The following GALNT7 variants were observed in gnomAD, a reference collection of about 807,000 sequenced individuals.
GALNT7 encodes the protein N-acetylgalactosaminyltransferase 7.
Under a neutral mutation model 82.1 loss-of-function variants are expected in GALNT7, and 60 were observed. The observed-to-expected ratio is 0.73, with a 90% CI of 0.59 to 0.91. GALNT7 has a LOEUF of 0.91. Among genes scored for constraint, GALNT7 ranks in the 40% least tolerant of loss-of-function variants. The pLI is 0.00. For missense variants in GALNT7, 660 were observed against 804.2 expected (o/e 0.82, Z 2.17); for synonymous variants, 243 against 275.1 (o/e 0.88, Z 1.15).
At chr4:173,198,058 A>G (rs1579902533) in intron 1 of GALNT7, among the ~76,000 whole-genome samples, 1 of 130,606 alleles carries the variant, frequency 7.7e-6, no homozygotes, top group Non-Finnish European at 1.7e-5. Context: ...TTTTACTTGG[A>G]TTGTTTCTTT....
At chr4:173,267,857 G>A (rs1316036907) in intron 2 of GALNT7, among the ~76,000 whole-genome samples, 1 of 152,142 alleles carries the variant, frequency 6.6e-6, no homozygotes, top group African/African-American at 2.4e-5. Context: ...CCACCGGTTG[G>A]AGGTCACAGT....
At chr4:173,183,223 ATG>A (rs1354808079) in intron 1 of GALNT7, among the ~76,000 whole-genome samples, 1 of 152,128 alleles carries the variant, frequency 6.6e-6, no homozygotes, top group African/African-American at 2.4e-5. Context: ...CTTAAAAAAA[ATG>A]TGTTCTCTGT....
intron 1 of GALNT7, among the ~76,000 whole-genome samples, chr4:173,225,579 G>C (rs1007337747): frequency 3.3e-5 from 5 of 152,182 alleles, no homozygotes; most frequent in African/African-American, 1.2e-4. Context: ...AGTATTTTAT[G>C]TAGTGCCTCA....
chr4:173,269,398 G>T (rs1319163181), intron 2 of GALNT7, among the ~76,000 whole-genome samples: 1 of 152,080 alleles, frequency 6.6e-6, no homozygotes, highest in Admixed American at 6.5e-5. Context: ...GCTAAAATGG[G>T]CTTGGGAAGG....
intron 2 of GALNT7, among the ~76,000 whole-genome samples, chr4:173,250,775 C>T (rs1386346037): frequency 6.6e-6 from 1 of 152,186 alleles, no homozygotes; most frequent in African/African-American, 2.4e-5. Flanking sequence ...ACCTTGCAGA[C>T]CTCTTCTTGC....
At chr4:173,261,073 C>G (rs961389930) in intron 2 of GALNT7, among the ~76,000 whole-genome samples, 1 of 152,162 alleles carries the variant, frequency 6.6e-6, no homozygotes, top group Admixed American at 6.5e-5. Flanking sequence ...GTATAATTGT[C>G]GTCTACATTA....
At chr4:173,279,297 A>G (rs188046834) in intron 2 of GALNT7, among the ~76,000 whole-genome samples, 1 of 152,180 alleles carries the variant, frequency 6.6e-6, no homozygotes, top group East Asian at 1.9e-4. Context: ...AGGGTAAGCT[A>G]CACATTTTTA....
intron 2 of GALNT7, among the ~76,000 whole-genome samples, chr4:173,282,809 A>G (rs942969055): frequency 6.6e-6 from 1 of 152,226 alleles, no homozygotes; most frequent in African/African-American, 2.4e-5. Context: ...GGCTGCTGAC[A>G]TGCCCTGATA....
chr4:173,197,624 C>T (rs2126648013), intron 1 of GALNT7, among the ~76,000 whole-genome samples: 1 of 152,270 alleles, frequency 6.6e-6, no homozygotes, highest in African/African-American at 2.4e-5. Context: ...GTGGGAATTG[C>T]ACAAGGAGCA....
At chr4:173,224,748 C>G (rs1387585684) in intron 1 of GALNT7, among the ~76,000 whole-genome samples, 3 of 151,972 alleles carry the variant, frequency 2.0e-5, no homozygotes, top group Admixed American at 1.3e-4. Context: ...CGCGGTGGCT[C>G]ACGCCTGTAA....
At chr4:173,287,301 G>A in intron 2 of GALNT7, among the ~76,000 whole-genome samples, 1 of 152,160 alleles carries the variant, frequency 6.6e-6, no homozygotes. Flanking sequence ...GTCCTCCAAG[G>A]GCACTGGTAT....
chr4:173,226,392 T>A lies in GALNT7; in HGVS notation c.127-21588T>A, dbSNP rs572727402. ...TTATGCAGTAACTTGCTGTTTTTTT[T>A]AAACATCAGGCGTTTAGCATCTCCA... On this transcript the variant is annotated intron_variant, in intron 1 of 11. Transcript: ENST00000265000. 5.6e-4 allele frequency among the ~76,000 whole-genome samples: 85 copies of A among 152,306 alleles called. 1 individual carries two copies. Among genetic ancestry groups the A allele is most frequent in the African/African-American group, 1.6e-3 (67 of 41,560 alleles).
At chr4:173,259,477 A>G (rs1196632820) in intron 2 of GALNT7, among the ~76,000 whole-genome samples, 1 of 151,484 alleles carries the variant, frequency 6.6e-6, no homozygotes, top group Admixed American at 6.6e-5. Context: ...AAAAGATCCA[A>G]TCCTGCTATT....
chr4:173,243,144 A>C (rs966803929), intron 1 of GALNT7, among the ~76,000 whole-genome samples: 1 of 152,198 alleles, frequency 6.6e-6, no homozygotes, highest in Non-Finnish European at 1.5e-5. Flanking sequence ...AAACAAGCCT[A>C]TGTTACTGTC....
intron 1 of GALNT7, among the ~76,000 whole-genome samples, chr4:173,230,851 G>A (rs1279141536): frequency 6.6e-6 from 1 of 152,170 alleles, no homozygotes; most frequent in East Asian, 1.9e-4. Context: ...TTCTGTGATA[G>A]TGTAATTATC....
intron 1 of GALNT7, among the ~76,000 whole-genome samples, chr4:173,198,765 G>A (rs1732857662): frequency 6.6e-6 from 1 of 152,076 alleles, no homozygotes; most frequent in South Asian, 2.1e-4. Context: ...CTGCTTCAGC[G>A]AGGACTGGGG....
intron 8 of GALNT7, among the ~76,000 whole-genome samples, chr4:173,305,184 A>T (rs1354810922): frequency 6.6e-6 from 1 of 152,134 alleles, no homozygotes; most frequent in Admixed American, 6.5e-5. Flanking sequence ...TTTCTCTGAT[A>T]ATTAATGATG....
At chr4:173,282,128 TCTC>T (rs767579062) in intron 2 of GALNT7, among the ~76,000 whole-genome samples, 1 of 152,182 alleles carries the variant, frequency 6.6e-6, no homozygotes, top group African/African-American at 2.4e-5. Flanking sequence ...TTGAGTAACT[TCTC>T]CTATCAGTAA....
chr4:173,242,151 A>G (rs1183674586), intron 1 of GALNT7, among the ~76,000 whole-genome samples: 2 of 152,008 alleles, frequency 1.3e-5, no homozygotes, highest in Non-Finnish European at 2.9e-5. Context: ...CAACTCTACT[A>G]TTTTCTCTAT....
Sources: allele counts gnomAD v4.1 joint callset (sites outside exome capture counted in the v4.1 genomes callset), GRCh38; gene constraint gnomAD v4.1.1; transcripts MANE v1.5; gene names NCBI Gene and HGNC (gene_info 2026-07-23, HGNC 2026-07-21).